F13A1: variants seen among roughly 807,000 people sequenced by gnomAD.
F13A1 encodes coagulation factor XIII A chain, also known as FSF, A subunit.
A neutral mutation model predicts 80.1 loss-of-function variants in F13A1; 47 were observed. The observed-to-expected ratio is 0.59, with a 90% CI of 0.46 to 0.75. The LOEUF is 0.75. F13A1 is among the 30% of genes least tolerant of loss of function. F13A1 has a pLI of 0.00. For synonymous variants in F13A1, 349 were observed against 344.9 expected, an observed-to-expected ratio of 1.01 and a Z score of -0.13; for missense variants, 817 against 930.4, an observed-to-expected ratio of 0.88 and a Z score of 1.59.
chr6:6,240,942 T>G (rs1156877746), intron 6 of F13A1, among the ~76,000 whole-genome samples: 1 of 152,148 alleles, frequency 6.6e-6, no homozygotes, highest in Admixed American at 6.6e-5. Context: ...AGTTGGTAAT[T>G]TAGTACTTTA....
intron 2 of F13A1, among the ~76,000 whole-genome samples, chr6:6,313,984 C>CCCTTTT (rs374113663): frequency 5.0e-5 from 7 of 139,304 alleles, no homozygotes; most frequent in Non-Finnish European, 7.6e-5. Flanking sequence ...TTTCTCCTTA[C>CCCTTTT]TCTTTTTTTT....
At chr6:6,280,706 T>C (rs1308201763) in intron 3 of F13A1, among the ~76,000 whole-genome samples, 1 of 152,236 alleles carries the variant, frequency 6.6e-6, no homozygotes, top group African/African-American at 2.4e-5. Context: ...ACAATTGTTC[T>C]TGACATCTTT....
chr6:6,235,093 A>G (rs1757397750), intron 6 of F13A1, among the ~76,000 whole-genome samples: 1 of 152,052 alleles, frequency 6.6e-6, no homozygotes, highest in African/African-American at 2.4e-5. Flanking sequence ...ATATGCAAAA[A>G]TACGAGCTTT....
intron 6 of F13A1, 43 bp from the exon 7 acceptor site, chr6:6,224,903 A>G (rs951979375): frequency 1.2e-6 from 2 of 1,609,862 alleles, no homozygotes; most frequent in African/African-American, 2.7e-5. Context: ...AAGTTCATTT[A>G]GGTTTGTCTA....
chr6:6,217,442 A>G (rs997432984), intron 8 of F13A1, among the ~76,000 whole-genome samples: 28 of 148,792 alleles, frequency 1.9e-4, no homozygotes, highest in African/African-American at 6.9e-4. Flanking sequence ...AAAACCAAAC[A>G]CCGCATATTC....
intron 3 of F13A1, among the ~76,000 whole-genome samples, chr6:6,281,993 C>CAAA (rs10584369): frequency 5.1e-4 from 48 of 93,348 alleles, no homozygotes; most frequent in Admixed American, 8.9e-4. Context: ...GACTCCGTCT[C>CAAA]AAAAAAAAAA....
chr6:6,156,825 A>C (rs932024848), intron 13 of F13A1, among the ~76,000 whole-genome samples: 3 of 152,244 alleles, frequency 2.0e-5, no homozygotes, highest in African/African-American at 7.2e-5. Flanking sequence ...CCTCAGTTGC[A>C]CGAGCCATCT....
intron 3 of F13A1, among the ~76,000 whole-genome samples, chr6:6,300,801 A>G (rs544656659): frequency 7.4e-5 from 11 of 148,252 alleles, no homozygotes; most frequent in Non-Finnish European, 1.2e-4. Context: ...TATTTTTAAC[A>G]AAGTATTTAT....
chr6:6,159,988 C>T (rs1213321281), intron 13 of F13A1, among the ~76,000 whole-genome samples: 1 of 152,018 alleles, frequency 6.6e-6, no homozygotes, highest in African/African-American at 2.4e-5. Flanking sequence ...AAAATGTTCT[C>T]ACTGTTGGCC....
Position 6,318,701 on chromosome 6 carries a change from A to G in F13A1, c.-18-19T>C, listed in dbSNP as rs1758725651. The G allele has an allele frequency of 6.2e-7, 1 of 1,604,254 alleles. No individual in the cohort carries two copies. Among genetic ancestry groups the G allele is most frequent in the Non-Finnish European group, 8.5e-7 (1 of 1,178,742 alleles). ...CAAGGTCCTTCAGAAAAAAAAAAAA[A>G]AGAAGACAACAGAAAAGGCATGTAA... On this transcript the variant is annotated intron_variant, in intron 1 of 14. Coordinates refer to ENST00000264870, the MANE Select transcript of F13A1 (RefSeq NM_000129.4).
At chr6:6,174,446 C>G in intron 12 of F13A1, 134 bp downstream of exon 12, 1 of 974,714 alleles carries the variant, frequency 1.0e-6, no homozygotes, top group Non-Finnish European at 1.7e-6. Context: ...AGTGGGTTCT[C>G]CCTGTGAGGC....
At chr6:6,209,896 A>G (rs1027183987) in intron 8 of F13A1, among the ~76,000 whole-genome samples, 2 of 152,240 alleles carry the variant, frequency 1.3e-5, no homozygotes, top group Non-Finnish European at 2.9e-5. Context: ...AATGTTCTGG[A>G]ATCTGATGAT....
chr6:6,300,021 G>T (rs1200227366), intron 3 of F13A1, among the ~76,000 whole-genome samples: 1 of 147,330 alleles, frequency 6.8e-6, no homozygotes, highest in Non-Finnish European at 1.5e-5. Context: ...TGAAGTGTCA[G>T]TGTGCCCCTG....
At chr6:6,200,549 T>TAA (rs60759542) in intron 8 of F13A1, among the ~76,000 whole-genome samples, 1,192 of 105,160 alleles carry the variant, frequency 0.011, 13 homozygotes, top group African/African-American at 0.013. Context: ...AGACCCTGTC[T>TAA]AAAAAAAAAA....
intron 13 of F13A1, among the ~76,000 whole-genome samples, chr6:6,164,528 G>GA (rs1207039505): frequency 6.6e-6 from 1 of 150,478 alleles, no homozygotes; most frequent in African/African-American, 2.4e-5. Context: ...GAAGGAAGGA[G>GA]AAAAAATAAC....
intron 4 of F13A1, among the ~76,000 whole-genome samples, chr6:6,264,984 G>A (rs994841820): frequency 1.3e-5 from 2 of 152,142 alleles, no homozygotes; most frequent in African/African-American, 4.8e-5. Context: ...AGCCATGCTG[G>A]GCATGGTGGT....
chr6:6,263,755 C>T (rs774069356), intron 4 of F13A1, among the ~76,000 whole-genome samples: 1 of 152,218 alleles, frequency 6.6e-6, no homozygotes, highest in Non-Finnish European at 1.5e-5. Context: ...ATGGCACCGC[C>T]ATCAACCCAA....
At chr6:6,308,074 C>T (rs1314661536) in intron 2 of F13A1, among the ~76,000 whole-genome samples, 1 of 151,826 alleles carries the variant, frequency 6.6e-6, no homozygotes, top group Non-Finnish European at 1.5e-5. Context: ...AGTGCAGTGG[C>T]GCGATCTCGG....
intron 6 of F13A1, among the ~76,000 whole-genome samples, chr6:6,246,000 C>G (rs779681856): frequency 9.2e-5 from 14 of 152,310 alleles, no homozygotes; most frequent in Non-Finnish European, 1.3e-4. Context: ...TGGGCCCAGC[C>G]CCTGAGAAAA....
Sources: allele counts gnomAD v4.1 joint callset (sites outside exome capture counted in the v4.1 genomes callset), GRCh38; gene constraint gnomAD v4.1.1; transcripts MANE v1.5; gene names NCBI Gene and HGNC (gene_info 2026-07-23, HGNC 2026-07-21).